Variants in GPC4 observed in about 807,000 individuals in gnomAD.
GPC4 encodes the protein glypican 4.
In GPC4, 10 loss-of-function variants were observed where a neutral mutation model predicts 35.0. The observed-to-expected ratio is 0.29, with a 90% CI of 0.18 to 0.48. The LOEUF is 0.48. Ranked by LOEUF, GPC4 falls within the 20% of genes least tolerant of loss-of-function variation. GPC4 has a pLI of 0.99. For synonymous variants in GPC4, 167 were observed against 170.2 expected (o/e 0.98, Z 0.15); for missense variants, 322 against 451.3 (o/e 0.71, Z 2.60).
intron 1 of GPC4, among the ~76,000 whole-genome samples, chrX:133,398,518 A>G (rs1437164687): frequency 8.9e-6 from 1 of 112,045 alleles, no homozygotes. Context: ...CTGTAATCCC[A>G]GCATTTTGGG....
intron 1 of GPC4, among the ~76,000 whole-genome samples, chrX:133,387,711 A>G (rs2068698475): frequency 8.9e-6 from 1 of 111,891 alleles, no homozygotes; most frequent in African/African-American, 3.2e-5. Flanking sequence ...TTTCCTGTAA[A>G]TGAGCGCTAG....
chrX:133,390,604 T>C (rs1215761572), intron 1 of GPC4, among the ~76,000 whole-genome samples: 4 of 111,954 alleles, frequency 3.6e-5, no homozygotes, highest in Non-Finnish European at 7.5e-5. Flanking sequence ...ACAAAAACCA[T>C]TCAGAAAGCT....
intron 4 of GPC4, among the ~76,000 whole-genome samples, chrX:133,309,523 T>C (rs1446412022): frequency 2.7e-5 from 3 of 112,762 alleles, no homozygotes; most frequent in Non-Finnish European, 3.7e-5. Flanking sequence ...CTAGACATGT[T>C]AGAGTATCAA....
At chrX:133,311,461 G>A (rs2068314031) in intron 3 of GPC4, 38 bp from the exon 4 acceptor site, 3 of 1,165,093 alleles carry the variant, frequency 2.6e-6, no homozygotes, top group Admixed American at 2.2e-5. Context: ...TAGTGGCGGG[G>A]CTAAAATAGA....
chrX:133,356,061 ACAGT>A (rs2068540328), intron 1 of GPC4, among the ~76,000 whole-genome samples: 2 of 111,497 alleles, frequency 1.8e-5, no homozygotes, highest in Non-Finnish European at 3.8e-5. Flanking sequence ...AAATGGCGTA[ACAGT>A]CAGGCACTTC....
At chrX:133,308,298 C>T (rs984204630) in intron 4 of GPC4, among the ~76,000 whole-genome samples, 15 of 111,843 alleles carry the variant, frequency 1.3e-4, no homozygotes, top group African/African-American at 4.9e-4. Context: ...CTGGTGTCCC[C>T]GCCAGCAATC....
At chrX:133,414,151 G>A (rs1249141850) in intron 1 of GPC4, among the ~76,000 whole-genome samples, 1 of 111,242 alleles carries the variant, frequency 9.0e-6, no homozygotes, top group Non-Finnish European at 1.9e-5. Context: ...AGGGTTTGGA[G>A]GGGTGGAGAG....
intron 3 of GPC4, among the ~76,000 whole-genome samples, chrX:133,323,222 T>C (rs1023324258): frequency 1.8e-5 from 2 of 111,832 alleles, no homozygotes; most frequent in African/African-American, 6.5e-5. Flanking sequence ...CTCTCACCTG[T>C]AATCCCAGCA....
At chrX:133,315,888 C>A (rs1449658239) in intron 3 of GPC4, among the ~76,000 whole-genome samples, 2 of 111,246 alleles carry the variant, frequency 1.8e-5, no homozygotes, top group Non-Finnish European at 3.8e-5. Flanking sequence ...GTTATGACTA[C>A]TTTTTACGAA....
At chrX:133,367,192 C>T (rs987631149) in intron 1 of GPC4, among the ~76,000 whole-genome samples, 1 of 112,045 alleles carries the variant, frequency 8.9e-6, no homozygotes, top group Non-Finnish European at 1.9e-5. Flanking sequence ...TTGTTCAAAA[C>T]GCCAAGAACT....
At chrX:133,379,663 G>A (rs2124165519) in intron 1 of GPC4, among the ~76,000 whole-genome samples, 1 of 111,797 alleles carries the variant, frequency 8.9e-6, no homozygotes, top group East Asian at 2.8e-4. Context: ...GTGACTTAGA[G>A]AAGTCTTAGT....
chrX:133,345,745 G>A (rs2068489253), intron 1 of GPC4, among the ~76,000 whole-genome samples: 1 of 111,936 alleles, frequency 8.9e-6, no homozygotes, highest in African/African-American at 3.3e-5. Flanking sequence ...CTGGTTGTGG[G>A]GAGGGGTGAT....
At chrX:133,325,235 T>G (rs1044272733) in intron 2 of GPC4, among the ~76,000 whole-genome samples, 2 of 110,799 alleles carry the variant, frequency 1.8e-5, no homozygotes, top group African/African-American at 6.6e-5. Context: ...AATAACATCA[T>G]GAGACTCTTT....
intron 1 of GPC4, among the ~76,000 whole-genome samples, chrX:133,357,660 C>T (rs1468777687): frequency 9.0e-6 from 1 of 110,728 alleles, no homozygotes; most frequent in South Asian, 4.0e-4. Context: ...GATAGGCCCA[C>T]GTCACCATGC....
chrX:133,405,367 T>G (rs886192078), intron 1 of GPC4, among the ~76,000 whole-genome samples: 1 of 111,981 alleles, frequency 8.9e-6, no homozygotes, highest in Non-Finnish European at 1.9e-5. Context: ...CCTCCCAAAG[T>G]GCTGGGATTA....
intron 1 of GPC4, among the ~76,000 whole-genome samples, chrX:133,400,139 T>A: frequency 8.9e-6 from 1 of 112,050 alleles, no homozygotes; most frequent in Non-Finnish European, 1.9e-5. Flanking sequence ...AGAGAACTTT[T>A]GTTCACAATA....
At chrX:133,345,589 A>G (rs2068488776) in intron 1 of GPC4, among the ~76,000 whole-genome samples, 1 of 112,288 alleles carries the variant, frequency 8.9e-6, no homozygotes, top group Admixed American at 9.4e-5. Context: ...AACGGTTCAA[A>G]CCATGTTCAA....
intron 1 of GPC4, among the ~76,000 whole-genome samples, chrX:133,373,919 A>G (rs1603086330): frequency 9.0e-6 from 1 of 111,054 alleles, no homozygotes; most frequent in Admixed American, 9.6e-5. Context: ...CTCCATAGAC[A>G]GAAAGCAGAT....
intron 1 of GPC4, among the ~76,000 whole-genome samples, chrX:133,413,259 C>A (rs1046958194): frequency 1.8e-5 from 2 of 112,025 alleles, no homozygotes; most frequent in African/African-American, 6.5e-5. Flanking sequence ...GAAGGGCAAA[C>A]AGTGTCTAAT....
Sources: gnomAD v4.1 joint callset for allele counts (sites outside exome capture counted in the v4.1 genomes callset) on GRCh38, gnomAD v4.1.1 for gene constraint, MANE v1.5 for transcripts, NCBI Gene and HGNC (gene_info 2026-07-23, HGNC 2026-07-21) for gene names.